MEIKIN: variants seen among roughly 807,000 people sequenced by gnomAD.
MEIKIN encodes the protein meiosis-specific kinetochore protein.
chr5:131,840,543 C>T (rs974644215), intron 11 of MEIKIN, among the ~76,000 whole-genome samples: 5 of 152,130 alleles, frequency 3.3e-5, no homozygotes, highest in Non-Finnish European at 7.4e-5. Flanking sequence ...TTGTTCATTC[C>T]TTTTCATTCT....
intron 12 of MEIKIN, among the ~76,000 whole-genome samples, chr5:131,814,523 C>T (rs985240294): frequency 3.3e-5 from 5 of 152,016 alleles, no homozygotes; most frequent in South Asian, 2.1e-4. Context: ...GCGATCCACT[C>T]GCCTCAACCT....
chr5:131,911,162 T>C (rs929108176), intron 8 of MEIKIN, among the ~76,000 whole-genome samples: 1 of 152,108 alleles, frequency 6.6e-6, no homozygotes, highest in Non-Finnish European at 1.5e-5. Context: ...AATTGTTTTA[T>C]ACCTACAGTT....
chr5:131,898,123 C>G (rs991799960), intron 8 of MEIKIN, among the ~76,000 whole-genome samples: 1 of 152,150 alleles, frequency 6.6e-6, no homozygotes, highest in Admixed American at 6.5e-5. Flanking sequence ...TGATGCTATT[C>G]CTTTCCGTTT....
At chr5:131,883,356 G>T (rs1750728675) in intron 8 of MEIKIN, among the ~76,000 whole-genome samples, 1 of 152,122 alleles carries the variant, frequency 6.6e-6, no homozygotes, top group African/African-American at 2.4e-5. Flanking sequence ...TAGAATCTAG[G>T]AACTAACTTT....
intron 11 of MEIKIN, among the ~76,000 whole-genome samples, chr5:131,826,156 G>A (rs1294103504): frequency 3.4e-5 from 5 of 147,486 alleles, no homozygotes; most frequent in African/African-American, 1.2e-4. Context: ...TGGACTCCTG[G>A]CCTCAAGCAA....
chr5:131,827,717 C>T (rs1749638738), intron 11 of MEIKIN, among the ~76,000 whole-genome samples: 6 of 152,080 alleles, frequency 3.9e-5, no homozygotes. Context: ...CTTTAAAATA[C>T]ATAAAGCAAA....
chr5:131,945,407 GGCCT>G lies in MEIKIN; in HGVS notation c.95_98del (p.Glu32AlafsTer38). On this transcript the variant is annotated frameshift_variant, in exon 1 of 13. Coordinates refer to ENST00000442687, the MANE Select transcript of MEIKIN (RefSeq NM_001303622.2). LOFTEE classifies it high-confidence loss of function. ...CGAGCCTTGAGCCTGTACCTGGCGG[GGCCT>G]CGGCCTTCGCTGGAGAGCCTAGGTC... is the stretch of plus-strand genomic sequence containing the variant. 1 of 399,208 alleles carries G rather than the reference GGCCT, an allele frequency of 2.5e-6. No individual in the cohort carries two copies. The highest frequency in any genetic ancestry group is 4.4e-6 in the Non-Finnish European group (1 of 226,196). 24.7% of individuals were successfully genotyped at this position (399,208 alleles called of 1,614,324 possible). A position where few individuals can be genotyped will look rare whatever the true frequency, so the allele number is the denominator to read the frequency against.
intron 9 of MEIKIN, among the ~76,000 whole-genome samples, chr5:131,869,479 A>G (rs531678328): frequency 1.3e-5 from 2 of 152,296 alleles, no homozygotes; most frequent in African/African-American, 4.8e-5. Context: ...CCCTCTCCAT[A>G]TAAACTTTAG....
intron 9 of MEIKIN, among the ~76,000 whole-genome samples, chr5:131,859,126 G>A (rs1038652655): frequency 5.3e-5 from 8 of 152,152 alleles, no homozygotes; most frequent in Non-Finnish European, 1.0e-4. Flanking sequence ...ACCTGCACAC[G>A]TATGTTCAAT....
intron 8 of MEIKIN, among the ~76,000 whole-genome samples, chr5:131,882,118 T>C (rs1461556697): frequency 1.3e-5 from 2 of 152,198 alleles, no homozygotes; most frequent in South Asian, 4.1e-4. Context: ...AAATTCCTGG[T>C]ATATCTGCCT....
At chr5:131,885,795 G>C (rs1366971290) in intron 8 of MEIKIN, among the ~76,000 whole-genome samples, 4 of 152,142 alleles carry the variant, frequency 2.6e-5, no homozygotes, top group Admixed American at 2.6e-4. Context: ...GCACCAAACA[G>C]GCTCACCAAA....
chr5:131,809,041 C>T (rs182745563), intron 12 of MEIKIN, among the ~76,000 whole-genome samples: 337 of 147,016 alleles, frequency 2.3e-3, no homozygotes, highest in African/African-American at 6.3e-3. Context: ...CCAGCATGGG[C>T]GACAGAGCAA....
chr5:131,880,100 T>G (rs1015879912), intron 8 of MEIKIN, among the ~76,000 whole-genome samples: 1 of 150,308 alleles, frequency 6.7e-6, no homozygotes. Context: ...ATATACAATT[T>G]TTTTTGAGAC....
At chr5:131,909,478 G>A (rs1045974213) in intron 8 of MEIKIN, among the ~76,000 whole-genome samples, 1 of 152,052 alleles carries the variant, frequency 6.6e-6, no homozygotes, top group Non-Finnish European at 1.5e-5. Context: ...AGAAAACATT[G>A]GGGAAAGTCT....
At chr5:131,830,491 A>G (rs1331894904) in intron 11 of MEIKIN, among the ~76,000 whole-genome samples, 1 of 152,260 alleles carries the variant, frequency 6.6e-6, no homozygotes, top group East Asian at 1.9e-4. Context: ...CTAGGCAATG[A>G]TTGGAGATAT....
intron 5 of MEIKIN, among the ~76,000 whole-genome samples, chr5:131,922,213 CTGTTA>C (rs1751517090): frequency 1.3e-5 from 2 of 152,142 alleles, no homozygotes; most frequent in Admixed American, 1.3e-4. Context: ...TGTGAGCTGC[CTGTTA>C]TATTTTATAT....
At chr5:131,818,380 A>C (rs1483332808) in intron 12 of MEIKIN, among the ~76,000 whole-genome samples, 2 of 152,178 alleles carry the variant, frequency 1.3e-5, no homozygotes, top group Non-Finnish European at 2.9e-5. Flanking sequence ...TCTTTCAAAA[A>C]ATTATTTTAC....
intron 12 of MEIKIN, among the ~76,000 whole-genome samples, chr5:131,817,370 G>C (rs2149602047): frequency 6.6e-6 from 1 of 152,120 alleles, no homozygotes; most frequent in Middle Eastern, 3.4e-3. Flanking sequence ...CCAACACTTT[G>C]AGAGGCCAAG....
chr5:131,831,760 C>T (rs1045700486), intron 11 of MEIKIN, among the ~76,000 whole-genome samples: 4 of 152,148 alleles, frequency 2.6e-5, no homozygotes, highest in African/African-American at 4.8e-5. Context: ...TCAGAATCAT[C>T]GCAGGAGGTG....
Sources: allele counts gnomAD v4.1 joint callset (sites outside exome capture counted in the v4.1 genomes callset), GRCh38; gene constraint gnomAD v4.1.1; transcripts MANE v1.5; gene names NCBI Gene and HGNC (gene_info 2026-07-23, HGNC 2026-07-21).